The following RPS3 variants were observed in gnomAD, a reference collection of about 807,000 sequenced individuals.
The protein encoded by RPS3 is ribosomal protein S3, also known as small ribosomal subunit protein uS3.
A neutral mutation model predicts 25.8 loss-of-function variants in RPS3; 2 were observed. The ratio of observed to expected loss-of-function variants is 0.08; its 90% CI spans 0.03 to 0.24. RPS3 has a LOEUF of 0.24. RPS3 is among the 10% of genes least tolerant of loss of function. RPS3 has a pLI of 1.00. For synonymous variants in RPS3, 114 were observed against 114.2 expected (o/e 1.00, Z 0.01); for missense variants, 107 against 307.1 (o/e 0.35, Z 4.87).
chr11:75,400,720 T>C lies in RPS3; in HGVS notation c.57T>C (p.Ala19=), dbSNP rs771074408. The change falls in exon 2 of 7, where the codon GCT becomes GCC. Residue 19 remains alanine, a synonymous_variant. Coordinates refer to ENST00000531188, the MANE Select transcript of RPS3 (RefSeq NM_001005.5). ...RKFVADGIFK[A]ELNEFLTREL... ...TTGTCGCTGATGGCATCTTCAAAGCTGAACTGAATGAGTTTCTTACTCGGG... is the reference window on the plus strand; with the variant it reads ...TTGTCGCTGATGGCATCTTCAAAGCCGAACTGAATGAGTTTCTTACTCGGG... 7 of 1,613,232 alleles carry C rather than the reference T, an allele frequency of 4.3e-6. No homozygotes were observed. The Admixed American group carries it at 1.2e-4, about 27-fold the overall frequency.
chr11:75,410,706 G>C (rs1337794991), downstream of RPS3, among the ~76,000 whole-genome samples: 8 of 151,502 alleles, frequency 5.3e-5, no homozygotes, highest in South Asian at 2.1e-4. Context: ...ATTGAGCACT[G>C]AGTGAACGAG....
chr11:75,404,958 G>A lies in RPS3; in HGVS notation c.*3+90G>A, dbSNP rs1948264230. 1.5e-5 allele frequency: 13 copies of A among 855,184 alleles called. No individual in the cohort carries two copies. The Admixed American group carries it at 1.9e-4, about 13-fold the overall frequency. The allele number at this position is 855,184 out of a possible 1,614,324, so 53.0% of individuals were successfully genotyped here. On this transcript the variant is annotated intron_variant, in intron 6 of 6. Coordinates refer to ENST00000531188, the MANE Select transcript of RPS3 (RefSeq NM_001005.5). The surrounding 1 kb of genome is among the most constrained non-coding windows in gnomAD (Gnocchi z 4.6). ...ACTTGTATCCCACATTCTGGTAAGCGTTTGGTGAATAAAAATTTCATTTAT... is the reference window on the plus strand; with the variant it reads ...ACTTGTATCCCACATTCTGGTAAGCATTTGGTGAATAAAAATTTCATTTAT...
At chr11:75,403,969 T>C in intron 4 of RPS3, 51 bp from the exon 5 acceptor site, 8 of 1,539,220 alleles carry the variant, frequency 5.2e-6, no homozygotes, top group Non-Finnish European at 7.1e-6. Context: ...TTTTTAAACT[T>C]GGTGGAGGTC....
chr11:75,418,459 G>C (rs1948418432), intron 6 of RPS3, among the ~76,000 whole-genome samples: 1 of 152,032 alleles, frequency 6.6e-6, no homozygotes, highest in Non-Finnish European at 1.5e-5. Context: ...TAAAATACAC[G>C]ATGGGTGGCA....
intron 6 of RPS3, among the ~76,000 whole-genome samples, chr11:75,420,844 C>T (rs763181185): frequency 3.3e-5 from 5 of 151,836 alleles, no homozygotes; most frequent in Admixed American, 6.6e-5. Context: ...AGAGGCAACT[C>T]GGGTTGAGGT....
intron 6 of RPS3, among the ~76,000 whole-genome samples, chr11:75,418,655 A>G (rs1948420723): frequency 1.3e-5 from 2 of 152,226 alleles, no homozygotes. Flanking sequence ...CTAACTTCCA[A>G]TTTGAGAACA....
At chr11:75,420,664 G>A (rs1258444045) in intron 6 of RPS3, among the ~76,000 whole-genome samples, 2 of 152,028 alleles carry the variant, frequency 1.3e-5, no homozygotes, top group East Asian at 3.9e-4. Flanking sequence ...TAGTCAGTGG[G>A]AAGCCTTGTT....
rs1436594428 is a variant in RPS3 at position 75,405,755 on chromosome 11, T to C, written c.*145T>C. On this transcript the variant is annotated 3_prime_UTR_variant, in exon 7 of 7. Transcript: ENST00000531188. ...ATGTTGGCCTCTGGAGCATTACATA[T>C]CTTCTTGGTTTTAACCATACTTGTG... 2.4e-6 allele frequency: 1 copy of C among 423,878 alleles called. No individual in the cohort carries two copies. Among genetic ancestry groups the C allele is most frequent in the Non-Finnish European group, 4.7e-6 (1 of 212,902 alleles). 26.3% of individuals were successfully genotyped at this position (423,878 alleles called of 1,614,324 possible).
At position 75,399,555 on chromosome 11, in the gene RPS3, T is replaced by G; in HGVS notation, c.8T>G (p.Val3Gly). MAVQISKKRKFVA... is the reference protein window; with the variant it reads MAGQISKKRKFVA... ...GCGGAGCGCGGCGGCAAGATGGCAG[T>G]GCAAATATCCAAGAAGAGGAAGGTG... is the stretch of plus-strand genomic sequence containing the variant. The change falls in exon 1 of 7, where the codon GTG becomes GGG. Residue 3 changes from valine to glycine, a missense_variant. By Grantham distance (109) the Val-to-Gly change is moderately radical. Coordinates refer to ENST00000531188, the MANE Select transcript of RPS3 (RefSeq NM_001005.5). 1 of 1,613,878 alleles carries G rather than the reference T, an allele frequency of 6.2e-7. No individual in the cohort carries two copies. Among genetic ancestry groups the G allele is most frequent in the South Asian group, 1.1e-5 (1 of 91,074 alleles).
chr11:75,417,047 C>T (rs1400387066), intron 6 of RPS3, among the ~76,000 whole-genome samples: 1 of 152,104 alleles, frequency 6.6e-6, no homozygotes, highest in Non-Finnish European at 1.5e-5. Flanking sequence ...TGTTATATGC[C>T]CTGAGCTTGC....
chr11:75,399,937 A>G (rs556116184), intron 1 of RPS3: 2 of 372,758 alleles, frequency 5.4e-6, no homozygotes, highest in South Asian at 6.6e-5. Flanking sequence ...GCAGCAGTGT[A>G]TTCTTGCCTT....
chr11:75,420,681 G>A (rs997591085), intron 6 of RPS3, among the ~76,000 whole-genome samples: 4 of 152,024 alleles, frequency 2.6e-5, no homozygotes, highest in Admixed American at 2.0e-4. Flanking sequence ...TGTTCCAGGC[G>A]CTGGAGGACA....
chr11:75,413,006 C>T (rs897078629), intron 6 of RPS3, among the ~76,000 whole-genome samples: 3 of 152,194 alleles, frequency 2.0e-5, no homozygotes, highest in Non-Finnish European at 2.9e-5. Flanking sequence ...CTCCTGGCCT[C>T]AAGTGATCTG....
intron 6 of RPS3, among the ~76,000 whole-genome samples, chr11:75,418,249 A>T (rs1948415506): frequency 6.6e-6 from 1 of 152,266 alleles, no homozygotes; most frequent in Non-Finnish European, 1.5e-5. Flanking sequence ...GGGCAATGCC[A>T]GGACCACCCC....
At chr11:75,410,793 G>A (rs1287372565), downstream of RPS3, among the ~76,000 whole-genome samples, 4 of 152,206 alleles carry the variant, frequency 2.6e-5, no homozygotes, top group Non-Finnish European at 5.9e-5. Flanking sequence ...AGACCAGCCC[G>A]GCCAACACAG....
rs1054930465 is a variant in RPS3 at position 75,415,801 on chromosome 11, A to T, written c.*4-5926A>T. 1.0e-4 allele frequency among the ~76,000 whole-genome samples: 11 copies of T among 108,556 alleles called. No homozygotes were observed. In the East Asian group the frequency reaches 2.8e-3, roughly 27 times the overall value. The allele number at this position is 108,556 out of a possible 152,430, so 71.2% of individuals were successfully genotyped here. Reference sequence around the variant, plus strand: ...AGCCTGGGCGGCAAAGCGAGACTCCATCTCAAAAAAAAAAAAAAAAAAAGC... The same window carrying T: ...AGCCTGGGCGGCAAAGCGAGACTCCTTCTCAAAAAAAAAAAAAAAAAAAGC... On this transcript the variant is annotated intron_variant, in intron 6 of 6. Transcript: ENST00000527446.
In RPS3 at chr11:75,406,276, T is replaced by A. The variant is rs1395132713; in HGVS notation, c.*666T>A. 2 of 152,252 alleles carry A rather than the reference T, an allele frequency of 1.3e-5. No individual in the cohort carries two copies. The highest frequency in any genetic ancestry group is 2.9e-5 in the Non-Finnish European group (2 of 68,042). The allele number at this position is 152,252 out of a possible 1,614,324, so 9.4% of individuals were successfully genotyped here. A position where few individuals can be genotyped will look rare whatever the true frequency, so the allele number is the denominator to read the frequency against. On this transcript the variant is annotated 3_prime_UTR_variant, in exon 7 of 7. Coordinates refer to ENST00000531188, the MANE Select transcript of RPS3 (RefSeq NM_001005.5). ...TTTATCTATCAATGTTTTGAAGTAT[T>A]TTCTACCAGTGTCTGTACTTCACAA...
At chr11:75,414,389 AT>A (rs1948380362) in intron 6 of RPS3, among the ~76,000 whole-genome samples, 2 of 152,332 alleles carry the variant, frequency 1.3e-5, no homozygotes, top group South Asian at 4.1e-4. Flanking sequence ...AGGCAGGCGG[AT>A]CACGAGGTCA....
chr11:75,402,227 C>A, intron 3 of RPS3, 125 bp from the exon 4 acceptor site: 1 of 1,421,880 alleles, frequency 7.0e-7, no homozygotes, highest in Non-Finnish European at 9.8e-7. Flanking sequence ...TCCTGGGCAG[C>A]ATGCGGCCCG....
Sources: allele counts gnomAD v4.1 joint callset (sites outside exome capture counted in the v4.1 genomes callset), GRCh38; gene constraint gnomAD v4.1.1; non-coding constraint Gnocchi (gnomAD v3.1); transcripts MANE v1.5; gene names NCBI Gene and HGNC (gene_info 2026-07-23, HGNC 2026-07-21).